Variants in FAT4 observed in about 807,000 individuals in gnomAD.
FAT4 encodes FAT atypical cadherin 4, also known as protocadherin Fat 4.
In FAT4, 84 loss-of-function variants were observed where a neutral mutation model predicts 303.9. The observed-to-expected ratio is 0.28, with a 90% confidence interval of 0.23 to 0.33. FAT4 has a LOEUF of 0.33. Among genes scored for constraint, FAT4 ranks in the 10% least tolerant of loss-of-function variants. The pLI, the probability that FAT4 is intolerant of heterozygous loss-of-function variation, is 1.00. For synonymous variants in FAT4, 2,307 were observed against 2,298.8 expected, an observed-to-expected ratio of 1.00 and a Z score of -0.10; for missense variants, 6,005 against 6,146.8, an observed-to-expected ratio of 0.98 and a Z score of 0.77.
chr4:125,358,646 G>A (rs985352478), intron 2 of FAT4, among the ~76,000 whole-genome samples: 4 of 152,090 alleles, frequency 2.6e-5, no homozygotes, highest in East Asian at 1.9e-4. Flanking sequence ...GATGGGAAGC[G>A]GCTATAAATA....
chr4:125,317,030 G>A lies in FAT4; in HGVS notation c.619G>A (p.Gly207Arg), dbSNP rs1730635407. The change falls in exon 2 of 18, where the codon GGA (glycine) becomes AGA (arginine). Residue 207 changes from glycine (G) to arginine (R), a missense_variant. Transcript: ENST00000394329. This position sits in a 1 kb window ranked among gnomAD's most constrained non-coding sequence, Gnocchi z 7.0. The stretch of plus-strand genomic sequence containing the variant: ...GTTCCTGCATCTGGTGTCCAAGGGC[G>A]GACTGGACCGTGAGGTCACTCCGCA... Reference protein sequence around the residue: ...GAFLHLVSKGGLDREVTPQYQ... With the variant: ...GAFLHLVSKGRLDREVTPQYQ... 2 of 1,614,036 alleles carry A rather than the reference G, an allele frequency of 1.2e-6. No homozygotes were observed. Among genetic ancestry groups the A allele is most frequent in the Admixed American group, 1.7e-5 (1 of 60,036 alleles).
chr4:125,408,853 T>G (rs1446033921), intron 5 of FAT4, 59 bp downstream of exon 5: 3 of 905,380 alleles, frequency 3.3e-6, no homozygotes, highest in Non-Finnish European at 4.8e-6. Flanking sequence ...CAGATTTATA[T>G]TACATTTATT....
rs770221502 is a variant in FAT4, at chr4:125,490,335, G to C, written c.13519G>C (p.Val4507Leu). The change falls in exon 18 of 18, where the codon GTG (valine) becomes CTG (leucine). Residue 4507 changes from valine (V) to leucine (L), a missense_variant. Val to Leu is a conservative substitution (Grantham distance 32). Transcript: ENST00000394329. ...AGAGATCTCTCTGCCTTTGTGGGCTGTGCCTGCCATCGTGGGCAGCTGCGC... is the reference window on the plus strand; with the variant it reads ...AGAGATCTCTCTGCCTTTGTGGGCTCTGCCTGCCATCGTGGGCAGCTGCGC... Reference protein sequence around the residue: ...PEEISLPLWAVPAIVGSCATV... With the variant: ...PEEISLPLWALPAIVGSCATV... The C allele has an allele frequency of 1.2e-5, 20 of 1,614,018 alleles. No individual in the cohort carries two copies. Among genetic ancestry groups the C allele is most frequent in the Non-Finnish European group, 1.5e-5 (18 of 1,180,040 alleles).
At position 125,319,355 on chromosome 4, in the gene FAT4, T is replaced by C. The variant is rs2940779; in HGVS notation, c.2944T>C (p.Leu982=). The C allele has an allele frequency of 0.71, 1,139,283 of 1,612,446 alleles. 405,804 individuals are homozygous for C. Among genetic ancestry groups the C allele is most frequent in the African/African-American group, 0.89 (66,793 of 74,982 alleles). The stretch of plus-strand genomic sequence containing the variant: ...CCCACAGCTCTCCTCTAGTGTCATC[T>C]TAACAGTTTATGTCCATGATGTAAA... ...GVPQLSSSVI[L]TVYVHDVNDN... Residue 982 remains leucine, a synonymous_variant, in exon 2 of 18, where the codon TTA becomes CTA. Coordinates refer to ENST00000394329, the MANE Select transcript of FAT4 (RefSeq NM_001291303.3).
chr4:125,449,094 T>C lies in FAT4; in HGVS notation c.8084T>C (p.Met2695Thr). 3 of 1,613,968 alleles carry C rather than the reference T, an allele frequency of 1.9e-6. No individual in the cohort carries two copies. The highest frequency in any genetic ancestry group is 2.2e-5 in the South Asian group (2 of 91,082). The change falls in exon 10 of 18, where the codon ATG becomes ACG. Residue 2695 changes from methionine (M) to threonine (T), a missense_variant. Transcript: ENST00000394329. ...SPRKILTVSAMDKDSGPNGQL... is the reference protein window; with the variant it reads ...SPRKILTVSATDKDSGPNGQL... ...CGAAAAATACTTACTGTTTCGGCAA[T>C]GGACAAGGACAGTGGACCCAATGGA... is the stretch of plus-strand genomic sequence containing the variant.
intron 10 of FAT4, among the ~76,000 whole-genome samples, chr4:125,455,213 G>A (rs1304999350): frequency 1.3e-5 from 2 of 152,120 alleles, no homozygotes; most frequent in East Asian, 1.9e-4. Flanking sequence ...GTCCTAGAAT[G>A]AAGAAAGTGC....
intron 2 of FAT4, among the ~76,000 whole-genome samples, chr4:125,335,453 C>T (rs1731534837): frequency 6.6e-6 from 1 of 151,864 alleles, no homozygotes; most frequent in Admixed American, 6.6e-5. Context: ...TCACATTATC[C>T]ATTTACTGCT....
intron 8 of FAT4, among the ~76,000 whole-genome samples, chr4:125,445,367 T>A (rs920873865): frequency 1.3e-5 from 2 of 152,176 alleles, no homozygotes; most frequent in African/African-American, 4.8e-5. Context: ...ATTAGATATA[T>A]GCTGTTGCTA....
intron 10 of FAT4, among the ~76,000 whole-genome samples, chr4:125,459,043 T>A (rs1726392815): frequency 6.6e-6 from 1 of 151,972 alleles, no homozygotes; most frequent in South Asian, 2.1e-4. Context: ...ATTAATAACA[T>A]AATCAATTTA....
At chr4:125,332,965 T>C (rs1351319160) in intron 2 of FAT4, among the ~76,000 whole-genome samples, 1 of 152,084 alleles carries the variant, frequency 6.6e-6, no homozygotes, top group African/African-American at 2.4e-5. Flanking sequence ...TACATTTTTG[T>C]TCTTTGGTTA....
Position 125,449,284 on chromosome 4 carries a change from A to C in FAT4, c.8274A>C (p.Ser2758=), listed in dbSNP as rs1725951879. 6.2e-7 allele frequency: 1 copy of C among 1,613,842 alleles called. No homozygotes were observed. Among genetic ancestry groups the C allele is most frequent in the African/African-American group, 1.3e-5 (1 of 74,910 alleles). The change falls in exon 10 of 18, where the codon TCA becomes TCC. Residue 2758 remains serine, a synonymous_variant. Transcript: ENST00000394329. ...AAGGGTCCCCGTCTCAGAGTACTTC[A>C]GTAAAAGTCATGATTAACATTTTAG... is the stretch of plus-strand genomic sequence containing the variant. ...SDKGSPSQST[S]VKVMINILDE... is the part of the protein sequence containing the mutation.
At chr4:125,403,556 A>G (rs1734469568) in intron 3 of FAT4, among the ~76,000 whole-genome samples, 1 of 151,990 alleles carries the variant, frequency 6.6e-6, no homozygotes, top group Admixed American at 6.6e-5. Flanking sequence ...GCTTCAACTG[A>G]CACCCACATA....
intron 7 of FAT4, among the ~76,000 whole-genome samples, chr4:125,427,799 A>G (rs904647365): frequency 6.6e-6 from 1 of 152,198 alleles, no homozygotes; most frequent in Non-Finnish European, 1.5e-5. Flanking sequence ...TTGCAAAGCA[A>G]CAGAATTAAG....
chr4:125,459,530 A>G (rs544299849), intron 10 of FAT4, among the ~76,000 whole-genome samples: 1 of 152,200 alleles, frequency 6.6e-6, no homozygotes, highest in South Asian at 2.1e-4. Flanking sequence ...CTTCAAGCAC[A>G]TCTCCTTCTA....
intron 12 of FAT4, among the ~76,000 whole-genome samples, chr4:125,474,754 T>C (rs1726971355): frequency 6.6e-6 from 1 of 152,084 alleles, no homozygotes; most frequent in Non-Finnish European, 1.5e-5. Flanking sequence ...GTTTTATGGA[T>C]ACTGCCTAAA....
At position 125,450,927 on chromosome 4, in the gene FAT4, A is replaced by C. The variant is rs771148310; in HGVS notation, c.9917A>C (p.Tyr3306Ser). 6.8e-6 allele frequency: 11 copies of C among 1,614,098 alleles called. 1 individual carries two copies. In the South Asian group the frequency reaches 1.1e-4, roughly 16 times the overall value. ...CCCCGTTTTGTTTCCAAACTTTACT[A>C]TTTTGAAATCTCAGAAGCAGCTCCT... is the stretch of plus-strand genomic sequence containing the variant. The part of the protein sequence containing the change: ...YVPRFVSKLY[Y>S]FEISEAAPKG... Residue 3306 changes from tyrosine to serine, a missense_variant, in exon 10 of 18, where the codon TAT (tyrosine) becomes TCT (serine). Coordinates refer to ENST00000394329, the MANE Select transcript of FAT4 (RefSeq NM_001291303.3).
chr4:125,318,205 A>G lies in FAT4; in HGVS notation c.1794A>G (p.Thr598=), dbSNP rs1578514072. Reference sequence around the variant, plus strand: ...TGTCTGTGGTTGAGAATGCCCCAACAGGGACAGAACTGTTGATGCTCAGGG... The same window carrying G: ...TGTCTGTGGTTGAGAATGCCCCAACGGGGACAGAACTGTTGATGCTCAGGG... The part of the protein sequence containing the change: ...YDVSVVENAP[T]GTELLMLRAT... Residue 598 remains threonine (T), a synonymous_variant, in exon 2 of 18, where the codon ACA becomes ACG. Transcript: ENST00000394329. 7 of 1,614,216 alleles carry G rather than the reference A, an allele frequency of 4.3e-6. No individual in the cohort carries two copies. The highest frequency in any genetic ancestry group is 5.9e-6 in the Non-Finnish European group (7 of 1,180,036).
chr4:125,401,416 T>A (rs983861589), intron 3 of FAT4, among the ~76,000 whole-genome samples: 1 of 151,988 alleles, frequency 6.6e-6, no homozygotes, highest in African/African-American at 2.4e-5. Flanking sequence ...ATTTTAAAAA[T>A]TTTCTCTCTT....
chr4:125,476,364 T>C, intron 13 of FAT4, 108 bp downstream of exon 13: 1 of 425,760 alleles, frequency 2.3e-6, no homozygotes, highest in South Asian at 7.1e-5. Flanking sequence ...AAGCTTAAGA[T>C]ATTTTATTTC....
Sources: allele counts gnomAD v4.1 joint callset (sites outside exome capture counted in the v4.1 genomes callset), GRCh38; gene constraint gnomAD v4.1.1; non-coding constraint Gnocchi (gnomAD v3.1); transcripts MANE v1.5; gene names NCBI Gene and HGNC (gene_info 2026-07-23, HGNC 2026-07-21).